CSMD3: variants seen among roughly 807,000 people sequenced by gnomAD.
CSMD3 encodes CUB and Sushi multiple domains 3.
Under a neutral mutation model 435.2 loss-of-function variants are expected in CSMD3, and 177 were observed. That is an observed-to-expected ratio of 0.41 (90% CI 0.36 to 0.46). The LOEUF is 0.46. CSMD3 is among the 20% of genes least tolerant of loss of function. The pLI, the probability that CSMD3 is intolerant of heterozygous loss-of-function variation, is 0.34. For synonymous variants in CSMD3, 1,656 were observed against 1,520.5 expected, an observed-to-expected ratio of 1.09 and a Z score of -2.07; for missense variants, 4,265 against 4,504.6, an observed-to-expected ratio of 0.95 and a Z score of 1.52.
intron 50 of CSMD3, 29 bp from the exon 51 acceptor site, chr8:112,306,221 G>A (rs763827193): frequency 1.2e-5 from 19 of 1,562,942 alleles, no homozygotes; most frequent in Non-Finnish European, 1.7e-5. Flanking sequence ...AAGCAAAATC[G>A]TATAAACAGA....
At chr8:113,284,399 T>C (rs563826287) in intron 2 of CSMD3, among the ~76,000 whole-genome samples, 5 of 152,310 alleles carry the variant, frequency 3.3e-5, no homozygotes, top group African/African-American at 1.2e-4. Flanking sequence ...AATTGTGTTC[T>C]TGAAACATCA....
chr8:112,892,849 A>G (rs2130346862), intron 10 of CSMD3, among the ~76,000 whole-genome samples: 1 of 151,432 alleles, frequency 6.6e-6, no homozygotes, highest in African/African-American at 2.4e-5. Flanking sequence ...TGTGTTGCCT[A>G]CCTTAGAATG....
At chr8:112,689,807 G>A (rs2076091972) in intron 14 of CSMD3, 61 bp downstream of exon 14, 6 of 1,434,574 alleles carry the variant, frequency 4.2e-6, no homozygotes, top group South Asian at 1.2e-5. Flanking sequence ...AATTACAAAA[G>A]CAATTATATG....
At position 112,517,098 on chromosome 8, in the gene CSMD3, T is replaced by G. The variant is rs1191696849; in HGVS notation, c.4692A>C (p.Glu1564Asp). The G allele has an allele frequency of 6.2e-6, 10 of 1,613,828 alleles. No homozygotes were observed. The highest frequency in any genetic ancestry group is 8.5e-6 in the Non-Finnish European group (10 of 1,179,920). Reference protein sequence around the residue: ...CDPGYELQGEERITCIQVENR... With the variant: ...CDPGYELQGEDRITCIQVENR... ...TTTCTACCTGAATGCAGGTTATTCTTTCCTCTCCTTGAAGTTCATATCCTG... is the reference window on the plus strand; with the variant it reads ...TTTCTACCTGAATGCAGGTTATTCTGTCCTCTCCTTGAAGTTCATATCCTG... Residue 1564 changes from glutamate to aspartate, a missense_variant, in exon 28 of 71, where the codon GAA (glutamate) becomes GAC (aspartate). By Grantham distance (45) the Glu-to-Asp change is conservative (BLOSUM62 2). Around this residue, in one of 3 missense-constraint regions of CSMD3, gnomAD observed 3,255 missense variants for 3,380.2 expected, o/e 0.96. Transcript: ENST00000297405.
intron 12 of CSMD3, among the ~76,000 whole-genome samples, chr8:112,816,327 C>T (rs966206184): frequency 6.6e-6 from 1 of 151,966 alleles, no homozygotes; most frequent in Non-Finnish European, 1.5e-5. Flanking sequence ...AAGAGGAAAG[C>T]GAGGGTGCAA....
At chr8:112,545,809 G>A (rs2131163854) in intron 27 of CSMD3, among the ~76,000 whole-genome samples, 1 of 152,166 alleles carries the variant, frequency 6.6e-6, no homozygotes. Flanking sequence ...AATACACTGT[G>A]GCTTATTTTA....
rs376496586 is a variant in CSMD3, at chr8:112,556,738, A to G, written c.4234+25T>C. On this transcript the variant is annotated intron_variant, in intron 25 of 70. Transcript: ENST00000297405. ...GATAAAGTTTTCACAGAAATATTCA[A>G]TGAAAATCTATGACAGTATCCTACC... The G allele has an allele frequency of 8.5e-5, 132 of 1,554,786 alleles. No individual in the cohort carries two copies. The African/African-American group carries it at 1.1e-3, about 13-fold the overall frequency.
intron 22 of CSMD3, among the ~76,000 whole-genome samples, chr8:112,630,060 T>G (rs1314309059): frequency 6.6e-6 from 1 of 152,140 alleles, no homozygotes; most frequent in Non-Finnish European, 1.5e-5. Flanking sequence ...TATAACCATG[T>G]GACCTTGGAA....
At chr8:112,351,295 T>A in intron 39 of CSMD3, 51 bp from the exon 40 acceptor site, 1 of 1,186,682 alleles carries the variant, frequency 8.4e-7, no homozygotes, top group Non-Finnish European at 1.3e-6. Context: ...AAAGTTTAAA[T>A]TTATTGTAGC....
intron 1 of CSMD3, among the ~76,000 whole-genome samples, chr8:113,387,782 G>A (rs1337445254): frequency 6.6e-6 from 1 of 151,618 alleles, no homozygotes; most frequent in African/African-American, 2.4e-5. Context: ...AAAGCATTTG[G>A]ATTAGCAACA....
At position 112,293,397 on chromosome 8, in the gene CSMD3, T is replaced by A. The variant is rs184455448; in HGVS notation, c.8615-687A>T. Reference sequence around the variant, plus strand: ...CAGTTTTTTGCATTTAATTTTGAAATAGTGCTTTCAATATTATTTGAACAA... The same window carrying A: ...CAGTTTTTTGCATTTAATTTTGAAAAAGTGCTTTCAATATTATTTGAACAA... On this transcript the variant is annotated intron_variant, in intron 54 of 70. Transcript: ENST00000297405. Among the ~76,000 whole-genome samples the A allele has an allele frequency of 2.0e-3, 304 of 152,288 alleles. 1 individual carries two copies. The highest frequency in any genetic ancestry group is 4.0e-3 in the Admixed American group (61 of 15,282).
intron 17 of CSMD3, among the ~76,000 whole-genome samples, chr8:112,665,458 A>G (rs890333599): frequency 6.6e-6 from 1 of 152,194 alleles, no homozygotes; most frequent in Middle Eastern, 3.2e-3. Context: ...AAATTCAATG[A>G]AAGACCTTTT....
chr8:113,082,668 C>G (rs1036785394), intron 5 of CSMD3, among the ~76,000 whole-genome samples: 3 of 151,942 alleles, frequency 2.0e-5, no homozygotes, highest in Non-Finnish European at 4.4e-5. Flanking sequence ...TTTAAGGAAA[C>G]TCAGTGAGAA....
chr8:112,898,584 G>A (rs2082016960), intron 10 of CSMD3, among the ~76,000 whole-genome samples: 2 of 151,176 alleles, frequency 1.3e-5, no homozygotes, highest in South Asian at 4.2e-4. Context: ...AAACTTAATA[G>A]TAGTGCTTAT....
intron 22 of CSMD3, among the ~76,000 whole-genome samples, chr8:112,612,610 T>C (rs1372715734): frequency 6.6e-6 from 1 of 152,074 alleles, no homozygotes; most frequent in African/African-American, 2.4e-5. Context: ...AGCGTTCTTC[T>C]GAGGACATTT....
intron 3 of CSMD3, among the ~76,000 whole-genome samples, chr8:113,240,911 C>G (rs1466249662): frequency 6.6e-6 from 1 of 152,034 alleles, no homozygotes. Flanking sequence ...CAGTGAGTAA[C>G]TCAGTTTCAA....
At chr8:112,611,955 G>C (rs903946916) in intron 22 of CSMD3, among the ~76,000 whole-genome samples, 1 of 152,126 alleles carries the variant, frequency 6.6e-6, no homozygotes, top group African/African-American at 2.4e-5. Flanking sequence ...CTATTTGCTG[G>C]GAGTAAGAAG....
At position 112,459,191 on chromosome 8, in the gene CSMD3, C is replaced by T. The variant is rs144110967; in HGVS notation, c.5395+13400G>A. 4.8e-3 allele frequency among the ~76,000 whole-genome samples: 732 copies of T among 152,160 alleles called. 5 individuals are homozygous for T. Among genetic ancestry groups the T allele is most frequent in the African/African-American group, 0.016 (648 of 41,538 alleles). On this transcript the variant is annotated intron_variant, in intron 32 of 70. Coordinates refer to ENST00000297405, the MANE Select transcript of CSMD3 (RefSeq NM_198123.2). ...GGTACAGGAGATACATTTCAACCTC[C>T]TTCTCATCCTTCGATTTTCAGCATA... is the stretch of plus-strand genomic sequence containing the variant.
At chr8:113,225,169 C>T (rs979598134) in intron 3 of CSMD3, among the ~76,000 whole-genome samples, 13 of 151,196 alleles carry the variant, frequency 8.6e-5, no homozygotes, top group Non-Finnish European at 1.5e-4. Context: ...TACCTAACGT[C>T]CTAGGATTAT....
Sources: gnomAD v4.1 joint callset for allele counts (sites outside exome capture counted in the v4.1 genomes callset) on GRCh38, gnomAD v4.1.1 for gene constraint, gnomAD v4.1.1 regional missense constraint, MANE v1.5 for transcripts, NCBI Gene and HGNC (gene_info 2026-07-23, HGNC 2026-07-21) for gene names.